Variants in JAKMIP2 observed in about 807,000 individuals in gnomAD.
JAKMIP2 encodes the protein janus kinase and microtubule interacting protein 2.
A neutral mutation model predicts 115.0 loss-of-function variants in JAKMIP2; 25 were observed. The ratio of observed to expected loss-of-function variants is 0.22; its 90% CI spans 0.16 to 0.30. JAKMIP2 has a LOEUF of 0.30. JAKMIP2 is among the 10% of genes least tolerant of loss of function. The pLI is 1.00. For missense variants in JAKMIP2, 642 were observed against 957.6 expected (o/e 0.67, Z 4.35); for synonymous variants, 334 against 343.6 (o/e 0.97, Z 0.31).
chr5:147,705,384 C>A (rs1037885516), intron 1 of JAKMIP2, among the ~76,000 whole-genome samples: 7 of 152,050 alleles, frequency 4.6e-5, no homozygotes, highest in African/African-American at 1.7e-4. Flanking sequence ...GGATGGATTG[C>A]TTGAGCCTAG....
intron 14 of JAKMIP2, among the ~76,000 whole-genome samples, chr5:147,630,959 A>G (rs1289075808): frequency 6.6e-6 from 1 of 152,204 alleles, no homozygotes; most frequent in Non-Finnish European, 1.5e-5. Flanking sequence ...AATTAAACAC[A>G]TCAAAAGAGA....
At chr5:147,729,714 C>T (rs1484704206) in intron 1 of JAKMIP2, among the ~76,000 whole-genome samples, 1 of 149,436 alleles carries the variant, frequency 6.7e-6, no homozygotes, top group Non-Finnish European at 1.5e-5. Flanking sequence ...GCGGAGCTTG[C>T]AGTGAGCCGA....
chr5:147,704,511 TG>T (rs1358318455), intron 1 of JAKMIP2, among the ~76,000 whole-genome samples: 3 of 152,088 alleles, frequency 2.0e-5, no homozygotes, highest in Non-Finnish European at 2.9e-5. Flanking sequence ...CTCCTTTTAC[TG>T]GGAAGTTTGG....
intron 1 of JAKMIP2, among the ~76,000 whole-genome samples, chr5:147,676,196 C>A (rs1486281713): frequency 2.6e-5 from 4 of 152,162 alleles, no homozygotes; most frequent in Admixed American, 6.5e-5. Context: ...ATTAGCCGGA[C>A]GTGGCGGCCG....
At chr5:147,722,662 A>G (rs1259385976) in intron 1 of JAKMIP2, among the ~76,000 whole-genome samples, 1 of 152,220 alleles carries the variant, frequency 6.6e-6, no homozygotes, top group African/African-American at 2.4e-5. Context: ...GAAGGTGATA[A>G]TATTTCGGTA....
intron 20 of JAKMIP2, among the ~76,000 whole-genome samples, chr5:147,602,662 A>G (rs1234732095): frequency 1.3e-5 from 2 of 152,212 alleles, no homozygotes; most frequent in Non-Finnish European, 2.9e-5. Flanking sequence ...ACCGTATACT[A>G]ACTATAAAAA....
intron 1 of JAKMIP2, among the ~76,000 whole-genome samples, chr5:147,771,341 G>A (rs987168230): frequency 1.3e-5 from 2 of 151,836 alleles, no homozygotes; most frequent in Non-Finnish European, 2.9e-5. Flanking sequence ...TTTTCAAAGT[G>A]TGATGGTAAA....
At chr5:147,627,688 A>AAC (rs1554073950) in intron 16 of JAKMIP2, among the ~76,000 whole-genome samples, 2 of 150,174 alleles carry the variant, frequency 1.3e-5, no homozygotes, top group East Asian at 3.9e-4. Context: ...TAAAAAAAAA[A>AAC]AAAAAAAAAA....
At chr5:147,673,043 T>C (rs1371082941) in intron 1 of JAKMIP2, among the ~76,000 whole-genome samples, 2 of 152,118 alleles carry the variant, frequency 1.3e-5, no homozygotes. Context: ...AGCAGTACTT[T>C]GGTGTGGTTA....
At chr5:147,716,945 C>T (rs1323440202) in intron 1 of JAKMIP2, among the ~76,000 whole-genome samples, 14 of 144,708 alleles carry the variant, frequency 9.7e-5, no homozygotes, top group Non-Finnish European at 1.5e-5. Context: ...AATGGTAATG[C>T]CTAGGTTTCC....
intron 5 of JAKMIP2, among the ~76,000 whole-genome samples, chr5:147,646,657 CTATA>C (rs1419977826): frequency 1.3e-5 from 2 of 150,906 alleles, no homozygotes; most frequent in Non-Finnish European, 3.0e-5. Flanking sequence ...ATATGTATGT[CTATA>C]TAGTTATAAA....
chr5:147,706,429 C>G (rs1362173345), intron 1 of JAKMIP2, among the ~76,000 whole-genome samples: 1 of 152,176 alleles, frequency 6.6e-6, no homozygotes, highest in Non-Finnish European at 1.5e-5. Context: ...AGCAATCTTT[C>G]TGCCCCAGCC....
At chr5:147,676,249 T>G (rs995670047) in intron 1 of JAKMIP2, among the ~76,000 whole-genome samples, 1 of 152,142 alleles carries the variant, frequency 6.6e-6, no homozygotes, top group Non-Finnish European at 1.5e-5. Flanking sequence ...GGCAGGAGAA[T>G]GGCGTGAACC....
chr5:147,675,858 T>C (rs1270776890), intron 1 of JAKMIP2, among the ~76,000 whole-genome samples: 1 of 151,626 alleles, frequency 6.6e-6, no homozygotes, highest in Non-Finnish European at 1.5e-5. Context: ...ATCCATGTTG[T>C]AGCATGGATT....
rs147767837 is a variant in JAKMIP2, at chr5:147,642,349, A to C, written c.1225-585T>G. On this transcript the variant is annotated intron_variant, in intron 7 of 21. Transcript: ENST00000616793. ...TGGGAATCTCAAAGAATGCCTAGAAATATTGATCAATTTCATGATTTATTG... is the reference window on the plus strand; with the variant it reads ...TGGGAATCTCAAAGAATGCCTAGAACTATTGATCAATTTCATGATTTATTG... Among the ~76,000 whole-genome samples, 663 of 152,294 alleles carry C rather than the reference A, an allele frequency of 4.4e-3. 2 individuals carry two copies. Among genetic ancestry groups the C allele is most frequent in the Non-Finnish European group, 7.5e-3 (508 of 68,020 alleles).
At chr5:147,660,146 TG>T (rs908473647) in intron 3 of JAKMIP2, among the ~76,000 whole-genome samples, 17 of 152,318 alleles carry the variant, frequency 1.1e-4, no homozygotes, top group African/African-American at 3.8e-4. Context: ...TAAAATTTTT[TG>T]GTCTAAAATA....
At chr5:147,748,501 G>C (rs114847250) in intron 1 of JAKMIP2, among the ~76,000 whole-genome samples, 1 of 152,098 alleles carries the variant, frequency 6.6e-6, no homozygotes, top group Non-Finnish European at 1.5e-5. Context: ...TTCTAACAAA[G>C]AGCAGCTTGA....
At chr5:147,752,041 G>T (rs966680625) in intron 1 of JAKMIP2, among the ~76,000 whole-genome samples, 3 of 152,140 alleles carry the variant, frequency 2.0e-5, no homozygotes, top group Admixed American at 6.5e-5. Context: ...ATGATGGGGA[G>T]TACTACAGAA....
chr5:147,664,912 T>C (rs545725893), intron 2 of JAKMIP2, among the ~76,000 whole-genome samples: 3 of 152,188 alleles, frequency 2.0e-5, no homozygotes, highest in Admixed American at 2.0e-4. Flanking sequence ...TTTTCTGTCA[T>C]ACAGTTTAGA....
Sources: gnomAD v4.1 joint callset for allele counts (sites outside exome capture counted in the v4.1 genomes callset) on GRCh38, gnomAD v4.1.1 for gene constraint, MANE v1.5 for transcripts, NCBI Gene and HGNC (gene_info 2026-07-23, HGNC 2026-07-21) for gene names.